The following ADGRL2 variants were observed in gnomAD, a reference collection of about 807,000 sequenced individuals.
The protein encoded by ADGRL2 is calcium-independent alpha-latrotoxin receptor 2.
ADGRL2 carries 44 observed loss-of-function variants against 157.4 expected under a neutral mutation model. That is an observed-to-expected ratio of 0.28 (90% CI 0.22 to 0.36). The LOEUF (loss-of-function observed/expected upper bound fraction) is 0.36, where lower values mean the gene tolerates loss of function less well. Ranked by LOEUF, ADGRL2 falls within the 10% of genes least tolerant of loss-of-function variation. The pLI is 1.00. For synonymous variants in ADGRL2, 585 were observed against 624.7 expected (o/e 0.94, Z 0.95); for missense variants, 1,510 against 1,768.9 (o/e 0.85, Z 2.63).
chr1:81,475,925 G>A (rs564850858), intron 2 of ADGRL2, among the ~76,000 whole-genome samples: 11 of 152,292 alleles, frequency 7.2e-5, no homozygotes, highest in Admixed American at 2.6e-4. Flanking sequence ...AGCAGGAATA[G>A]GGCATAAGTG....
intron 3 of ADGRL2, among the ~76,000 whole-genome samples, chr1:81,641,930 T>C (rs913976400): frequency 1.3e-5 from 2 of 152,002 alleles, no homozygotes; most frequent in African/African-American, 4.8e-5. Context: ...TTGATAAGCC[T>C]GTAATTGGAC....
intron 1 of ADGRL2, among the ~76,000 whole-genome samples, chr1:81,437,055 C>T (rs2077422523): frequency 6.6e-6 from 1 of 152,176 alleles, no homozygotes; most frequent in Admixed American, 6.5e-5. Flanking sequence ...GTAATGATAA[C>T]TAATCCCTAC....
intron 7 of ADGRL2, 50 bp downstream of exon 7, chr1:81,950,532 T>C: frequency 6.6e-7 from 1 of 1,505,892 alleles, no homozygotes; most frequent in South Asian, 1.2e-5. Context: ...AGTAAGTAGG[T>C]TCTGTATTAC....
At chr1:81,523,219 G>A (rs1013924191) in intron 2 of ADGRL2, among the ~76,000 whole-genome samples, 4 of 152,086 alleles carry the variant, frequency 2.6e-5, no homozygotes, top group Non-Finnish European at 5.9e-5. Flanking sequence ...TAGCTATTAT[G>A]TCATACTAAT....
intron 2 of ADGRL2, among the ~76,000 whole-genome samples, chr1:81,899,236 A>G (rs1288518833): frequency 6.6e-6 from 1 of 152,238 alleles, no homozygotes; most frequent in African/African-American, 2.4e-5. Context: ...CTTAAAGTTT[A>G]TCACAACAAA....
At chr1:81,524,041 G>A (rs1359837581) in intron 2 of ADGRL2, among the ~76,000 whole-genome samples, 1 of 151,278 alleles carries the variant, frequency 6.6e-6, no homozygotes, top group Non-Finnish European at 1.5e-5. Flanking sequence ...CTCCAGCTGG[G>A]TGACGGTGCA....
At position 81,821,516 on chromosome 1, in the gene ADGRL2, G is replaced by A. The variant is rs2090986812; in HGVS notation, c.-100-15369G>A. Among the ~76,000 whole-genome samples the A allele has an allele frequency of 2.6e-5, 4 of 152,002 alleles. No homozygotes were observed. The South Asian group carries it at 8.3e-4, about 31-fold the overall frequency. ...TCTGTCTTCCAAAATGTCTTCTGGT[G>A]ACTTGTATTAAGATCTTATTAAAAT... On this transcript the variant is annotated intron_variant, in intron 1 of 23. Transcript: ENST00000686636.
At chr1:81,636,889 G>T (rs1223463361) in intron 3 of ADGRL2, among the ~76,000 whole-genome samples, 1 of 152,174 alleles carries the variant, frequency 6.6e-6, no homozygotes, top group Non-Finnish European at 1.5e-5. Context: ...AGATGGGAGT[G>T]CAGTGGCGCG....
chr1:81,442,556 G>C (rs181043498), intron 1 of ADGRL2, among the ~76,000 whole-genome samples: 7 of 152,104 alleles, frequency 4.6e-5, no homozygotes, highest in Non-Finnish European at 8.8e-5. Context: ...AACCAAGAGC[G>C]GTGTGAAGAC....
intron 3 of ADGRL2, among the ~76,000 whole-genome samples, chr1:81,640,102 G>A (rs539995813): frequency 6.6e-6 from 1 of 152,210 alleles, no homozygotes; most frequent in African/African-American, 2.4e-5. Context: ...CTGGTACCCT[G>A]TATCCTCTCA....
At chr1:81,980,787 T>G (rs779417775) in intron 18 of ADGRL2, 1 of 704,496 alleles carries the variant, frequency 1.4e-6, no homozygotes, top group Non-Finnish European at 2.7e-6. Context: ...TCTTCTCATC[T>G]ACACCAGTAA....
intron 2 of ADGRL2, among the ~76,000 whole-genome samples, chr1:81,882,853 C>T (rs541008225): frequency 1.1e-3 from 166 of 152,236 alleles, no homozygotes; most frequent in African/African-American, 3.8e-3. Context: ...GTTTGAAGAC[C>T]TTAACCCTTC....
chr1:81,827,056 T>A (rs1465484544), intron 1 of ADGRL2, among the ~76,000 whole-genome samples: 1 of 152,146 alleles, frequency 6.6e-6, no homozygotes, highest in African/African-American at 2.4e-5. Flanking sequence ...ATAATAACAA[T>A]CAGGATATTT....
chr1:81,803,616 GA>G (rs1205476688), intron 1 of ADGRL2, among the ~76,000 whole-genome samples: 5 of 152,002 alleles, frequency 3.3e-5, no homozygotes, highest in African/African-American at 1.2e-4. Flanking sequence ...CCGACCGAGG[GA>G]ATGTTTTCCT....
At chr1:81,708,180 A>G (rs2083802808) in intron 1 of ADGRL2, among the ~76,000 whole-genome samples, 1 of 152,188 alleles carries the variant, frequency 6.6e-6, no homozygotes, top group Non-Finnish European at 1.5e-5. Context: ...AGGCACCTTC[A>G]TAAACTTGCC....
At chr1:81,634,287 C>CCT in intron 3 of ADGRL2, among the ~76,000 whole-genome samples, 1 of 152,268 alleles carries the variant, frequency 6.6e-6, no homozygotes, top group African/African-American at 2.4e-5. Flanking sequence ...TCTCATTAGG[C>CCT]CTCTTTATGG....
chr1:81,399,290 G>T (rs1345485503), intron 1 of ADGRL2, among the ~76,000 whole-genome samples: 1 of 152,174 alleles, frequency 6.6e-6, no homozygotes, highest in Non-Finnish European at 1.5e-5. Context: ...GATTTAGGTG[G>T]AGACACAAAT....
At chr1:81,585,476 A>G (rs1014575620) in intron 3 of ADGRL2, among the ~76,000 whole-genome samples, 1 of 152,150 alleles carries the variant, frequency 6.6e-6, no homozygotes, top group Non-Finnish European at 1.5e-5. Flanking sequence ...TATGGAAATT[A>G]TAAGTGTTTG....
At chr1:81,351,577 GA>G (rs1454323846) in intron 1 of ADGRL2, among the ~76,000 whole-genome samples, 3 of 148,192 alleles carry the variant, frequency 2.0e-5, no homozygotes, top group Non-Finnish European at 4.5e-5. Context: ...AATGCACAAA[GA>G]AAAAAATGAT....
Sources: allele counts gnomAD v4.1 joint callset (sites outside exome capture counted in the v4.1 genomes callset), GRCh38; gene constraint gnomAD v4.1.1; transcripts MANE v1.5; gene names NCBI Gene and HGNC (gene_info 2026-07-23, HGNC 2026-07-21).